Variants in GRM5 observed in about 807,000 individuals in gnomAD.
The protein encoded by GRM5 is metabotropic glutamate receptor 5.
Under a neutral mutation model 83.1 loss-of-function variants are expected in GRM5, and 19 were observed. That is an observed-to-expected ratio of 0.23 (90% CI 0.16 to 0.34). GRM5 has a LOEUF of 0.34. Among genes scored for constraint, GRM5 ranks in the 10% least tolerant of loss-of-function variants. The pLI, the probability that GRM5 is intolerant of heterozygous loss-of-function variation, is 1.00. For synonymous variants in GRM5, 675 were observed against 633.6 expected (o/e 1.07, Z -0.98); for missense variants, 1,160 against 1,588.3 (o/e 0.73, Z 4.58).
At chr11:88,993,265 CAA>C (rs71046275) in intron 2 of GRM5, among the ~76,000 whole-genome samples, 1 of 102,636 alleles carries the variant, frequency 9.7e-6, no homozygotes, top group African/African-American at 4.0e-5. Flanking sequence ...GACTCTGTCT[CAA>C]AAAAAAAAAA....
rs1945027301 is a variant in GRM5 at position 88,885,450 on chromosome 11, G to GGTTTT, written c.662-35296_662-35295insAAAAC. Among the ~76,000 whole-genome samples the GGTTTT allele has an allele frequency of 2.0e-3, 128 of 62,662 alleles. 39 individuals are homozygous for GGTTTT. The highest frequency in any genetic ancestry group is 6.6e-3 in the African/African-American group (112 of 16,890). 41.1% of individuals were successfully genotyped at this position (62,662 alleles called of 152,430 possible). On this transcript the variant is annotated intron_variant, in intron 2 of 9. Coordinates refer to ENST00000305447, the MANE Select transcript of GRM5 (RefSeq NM_001143831.3). Reference sequence around the variant, plus strand: ...TTCTGAATTCTATAGTAGGTACCATGTTTTTTTTTTTTTTTTTTTTTTTTT... The same window carrying GGTTTT: ...TTCTGAATTCTATAGTAGGTACCATGGTTTTTTTTTTTTTTTTTTTTTTTTTTTTT...
chr11:88,815,625 A>C (rs1440349382), intron 3 of GRM5, among the ~76,000 whole-genome samples: 1 of 152,176 alleles, frequency 6.6e-6, no homozygotes, highest in African/African-American at 2.4e-5. Context: ...AAATAACAGA[A>C]GGGAAGCTTG....
intron 4 of GRM5, among the ~76,000 whole-genome samples, chr11:88,640,548 A>T (rs1285738035): frequency 6.6e-6 from 1 of 152,132 alleles, no homozygotes; most frequent in Non-Finnish European, 1.5e-5. Context: ...ATGGCATCAG[A>T]TCCCACAGGT....
chr11:88,705,365 A>G (rs912207686), intron 3 of GRM5, among the ~76,000 whole-genome samples: 2 of 152,092 alleles, frequency 1.3e-5, no homozygotes, highest in Non-Finnish European at 2.9e-5. Flanking sequence ...CTGCAGAACC[A>G]CTGGACTTGA....
intron 3 of GRM5, among the ~76,000 whole-genome samples, chr11:88,702,358 T>C (rs1455568181): frequency 6.6e-6 from 1 of 152,024 alleles, no homozygotes; most frequent in Non-Finnish European, 1.5e-5. Flanking sequence ...CAGTGAAAGA[T>C]CTCTGTTGCA....
At chr11:88,977,926 T>TA (rs1565317564) in intron 2 of GRM5, among the ~76,000 whole-genome samples, 2 of 152,250 alleles carry the variant, frequency 1.3e-5, no homozygotes, top group African/African-American at 4.8e-5. Context: ...TGTCAACACA[T>TA]ACAAACTCAT....
At chr11:88,959,264 T>C (rs1938713056) in intron 2 of GRM5, among the ~76,000 whole-genome samples, 1 of 151,954 alleles carries the variant, frequency 6.6e-6, no homozygotes, top group South Asian at 2.1e-4. Flanking sequence ...TTGTAGCAAA[T>C]TTATAGAAAA....
At chr11:88,667,962 G>A (rs1273622762) in intron 3 of GRM5, among the ~76,000 whole-genome samples, 3 of 151,600 alleles carry the variant, frequency 2.0e-5, no homozygotes, top group African/African-American at 7.3e-5. Flanking sequence ...TAAAACTGAT[G>A]AACATTTATG....
chr11:88,953,030 A>G (rs1343591766), intron 2 of GRM5, among the ~76,000 whole-genome samples: 2 of 152,212 alleles, frequency 1.3e-5, no homozygotes, highest in African/African-American at 4.8e-5. Context: ...CAATGAATAA[A>G]ATGAATAGAG....
At chr11:88,918,341 T>G (rs1224579741) in intron 2 of GRM5, among the ~76,000 whole-genome samples, 3 of 151,984 alleles carry the variant, frequency 2.0e-5, no homozygotes, top group South Asian at 4.2e-4. Context: ...AGATGACAAG[T>G]TAGTGGGTGC....
At chr11:88,510,072 C>T (rs1941323484) in intron 9 of GRM5, among the ~76,000 whole-genome samples, 2 of 152,144 alleles carry the variant, frequency 1.3e-5, no homozygotes, top group African/African-American at 4.8e-5. Flanking sequence ...TCTGTCTGAA[C>T]CCCTGATTTT....
chr11:88,955,060 C>T (rs1432549125), intron 2 of GRM5, among the ~76,000 whole-genome samples: 4 of 152,260 alleles, frequency 2.6e-5, no homozygotes, highest in East Asian at 1.9e-4. Flanking sequence ...AACGCTTTCA[C>T]GTGTTTTTTT....
At chr11:88,937,083 C>G (rs1461527056) in intron 2 of GRM5, among the ~76,000 whole-genome samples, 5 of 151,496 alleles carry the variant, frequency 3.3e-5, no homozygotes, top group Non-Finnish European at 7.4e-5. Context: ...TAAAAAAACT[C>G]ACTACAACTC....
At chr11:88,686,363 T>A (rs1184489702) in intron 3 of GRM5, among the ~76,000 whole-genome samples, 1 of 152,176 alleles carries the variant, frequency 6.6e-6, no homozygotes, top group Non-Finnish European at 1.5e-5. Flanking sequence ...AGGAAATAAT[T>A]AGCTTGATTT....
intron 2 of GRM5, among the ~76,000 whole-genome samples, chr11:88,860,009 A>G (rs1306759030): frequency 1.3e-5 from 2 of 152,150 alleles, no homozygotes; most frequent in African/African-American, 4.8e-5. Context: ...GACATACCAT[A>G]TTATCTTGTA....
At chr11:88,772,395 A>G (rs1037525313) in intron 3 of GRM5, among the ~76,000 whole-genome samples, 12 of 151,638 alleles carry the variant, frequency 7.9e-5, no homozygotes, top group African/African-American at 1.7e-4. Context: ...TTAAATATCA[A>G]TCATGTACTT....
intron 3 of GRM5, among the ~76,000 whole-genome samples, chr11:88,751,283 AC>A (rs1181491349): frequency 2.6e-5 from 4 of 152,110 alleles, no homozygotes; most frequent in Non-Finnish European, 4.4e-5. Context: ...ATTACCACTT[AC>A]CCCATAGGAA....
At chr11:88,783,053 C>T (rs1337119709) in intron 3 of GRM5, among the ~76,000 whole-genome samples, 2 of 152,130 alleles carry the variant, frequency 1.3e-5, no homozygotes, top group African/African-American at 4.8e-5. Flanking sequence ...CTAAAGTCCG[C>T]CTGACTTAAA....
chr11:89,029,293 T>C lies in GRM5; in HGVS notation c.661+17919A>G, dbSNP rs1297348181. On this transcript the variant is annotated intron_variant, in intron 2 of 9. Transcript: ENST00000305447. The stretch of plus-strand genomic sequence containing the variant: ...ATCTGGTAGAAACACTGTTAAAAAA[T>C]TTTTTGGATTATTCTGTCAGTATAA... 2.0e-5 allele frequency among the ~76,000 whole-genome samples: 3 copies of C among 152,268 alleles called. No individual in the cohort carries two copies. In the South Asian group the frequency reaches 6.2e-4, roughly 32 times the overall value.
Sources: allele counts gnomAD v4.1 joint callset (sites outside exome capture counted in the v4.1 genomes callset), GRCh38; gene constraint gnomAD v4.1.1; transcripts MANE v1.5; gene names NCBI Gene and HGNC (gene_info 2026-07-23, HGNC 2026-07-21).